The following RALYL variants were observed in gnomAD, a reference collection of about 807,000 sequenced individuals.
The protein encoded by RALYL is RNA-binding Raly-like protein.
RALYL carries 29 observed loss-of-function variants against 35.1 expected under a neutral mutation model. The ratio of observed to expected loss-of-function variants is 0.83; its 90% CI spans 0.61 to 1.13. The LOEUF is 1.13. RALYL is among the 50% of genes most tolerant of loss of function. RALYL has a pLI of 0.00. For synonymous variants in RALYL, 120 were observed against 127.6 expected, an observed-to-expected ratio of 0.94 and a Z score of 0.40; for missense variants, 359 against 360.4, an observed-to-expected ratio of 1.00 and a Z score of 0.03.
intron 1 of RALYL, among the ~76,000 whole-genome samples, chr8:84,231,625 A>G (rs1350763850): frequency 2.0e-5 from 3 of 152,114 alleles, no homozygotes; most frequent in African/African-American, 7.2e-5. Flanking sequence ...TTTAAAACAT[A>G]TTTCTTGGGT....
At chr8:84,702,881 A>G (rs892558360) in intron 2 of RALYL, among the ~76,000 whole-genome samples, 1 of 152,170 alleles carries the variant, frequency 6.6e-6, no homozygotes, top group African/African-American at 2.4e-5. Context: ...TAAGTAAAAG[A>G]AAAACAGATT....
chr8:84,647,968 T>C (rs181409880), intron 2 of RALYL, among the ~76,000 whole-genome samples: 1 of 152,254 alleles, frequency 6.6e-6, no homozygotes, highest in East Asian at 1.9e-4. Flanking sequence ...AAATGGTCCA[T>C]GTCAAAGTAT....
At chr8:84,514,710 T>A (rs1486900398) in intron 1 of RALYL, among the ~76,000 whole-genome samples, 1 of 152,202 alleles carries the variant, frequency 6.6e-6, no homozygotes, top group Non-Finnish European at 1.5e-5. Flanking sequence ...AAGAGACACA[T>A]ATAGCAGCAT....
intron 2 of RALYL, among the ~76,000 whole-genome samples, chr8:84,672,467 C>G (rs1021026367): frequency 3.3e-5 from 5 of 152,158 alleles, no homozygotes; most frequent in Admixed American, 2.0e-4. Flanking sequence ...AAAGTAACTT[C>G]AACATTTTTG....
At chr8:84,552,552 A>G (rs1057024928) in intron 2 of RALYL, among the ~76,000 whole-genome samples, 1 of 151,324 alleles carries the variant, frequency 6.6e-6, no homozygotes, top group African/African-American at 2.4e-5. Context: ...AATTTCACTT[A>G]TAAGCTAAAG....
chr8:84,569,614 G>T (rs1807424404), intron 2 of RALYL, among the ~76,000 whole-genome samples: 1 of 151,602 alleles, frequency 6.6e-6, no homozygotes. Context: ...GTCTATTTTT[G>T]CTTTTGTTGC....
intron 1 of RALYL, among the ~76,000 whole-genome samples, chr8:84,415,391 C>A (rs1310337474): frequency 1.3e-5 from 2 of 152,044 alleles, no homozygotes; most frequent in East Asian, 1.9e-4. Context: ...AGGCGCCTGC[C>A]ACGACGCTTG....
chr8:84,219,862 TATAGATAG>T (rs57823121), intron 1 of RALYL, among the ~76,000 whole-genome samples: 1 of 150,920 alleles, frequency 6.6e-6, no homozygotes, highest in South Asian at 2.1e-4. Flanking sequence ...ACAGAAGACG[TATAGATAG>T]ATAGATAGAT....
At chr8:84,832,973 T>C (rs1831213228) in intron 4 of RALYL, among the ~76,000 whole-genome samples, 1 of 152,210 alleles carries the variant, frequency 6.6e-6, no homozygotes. Context: ...TACCCTTTAA[T>C]ACTTAGTCTG....
chr8:84,497,642 GTT>G (rs71271999), intron 1 of RALYL, among the ~76,000 whole-genome samples: 1 of 117,236 alleles, frequency 8.5e-6, no homozygotes, highest in Non-Finnish European at 1.7e-5. Flanking sequence ...TTTTGTTTTT[GTT>G]TTTTTTTTTT....
intron 1 of RALYL, among the ~76,000 whole-genome samples, chr8:84,317,819 A>C (rs1225178430): frequency 6.6e-6 from 1 of 152,154 alleles, no homozygotes; most frequent in Non-Finnish European, 1.5e-5. Flanking sequence ...ACGTTGACCT[A>C]CTTGGAAAAT....
At chr8:84,245,361 G>A (rs964371445) in intron 1 of RALYL, among the ~76,000 whole-genome samples, 1 of 152,090 alleles carries the variant, frequency 6.6e-6, no homozygotes, top group Admixed American at 6.6e-5. Context: ...ACAATAATTG[G>A]CAGCTTCTGA....
chr8:84,810,654 A>G, intron 4 of RALYL, among the ~76,000 whole-genome samples: 1 of 152,120 alleles, frequency 6.6e-6, no homozygotes, highest in East Asian at 1.9e-4. Context: ...ATTGTTTTAT[A>G]AATTTGGAAG....
intron 4 of RALYL, among the ~76,000 whole-genome samples, chr8:84,819,408 T>G (rs1828019057): frequency 6.6e-6 from 1 of 152,224 alleles, no homozygotes; most frequent in African/African-American, 2.4e-5. Flanking sequence ...AATGACACTT[T>G]TCTGTACTTG....
chr8:84,766,809 G>T (rs1261174239), intron 2 of RALYL, among the ~76,000 whole-genome samples: 1 of 150,756 alleles, frequency 6.6e-6, no homozygotes, highest in African/African-American at 2.4e-5. Context: ...CATGTGTTTG[G>T]TTAGACTTAC....
chr8:84,442,530 T>A (rs2048440665), intron 1 of RALYL, among the ~76,000 whole-genome samples: 1 of 152,096 alleles, frequency 6.6e-6, no homozygotes, highest in African/African-American at 2.4e-5. Context: ...AGTTCCTAAC[T>A]TCAAGGTGCT....
intron 3 of RALYL, among the ~76,000 whole-genome samples, chr8:84,787,479 C>A (rs542556194): frequency 5.9e-5 from 9 of 152,326 alleles, no homozygotes; most frequent in African/African-American, 2.2e-4. Context: ...CTGCAGTAAA[C>A]ATACATGCGC....
chr8:84,273,411 G>A (rs1240477403), intron 1 of RALYL, among the ~76,000 whole-genome samples: 1 of 152,224 alleles, frequency 6.6e-6, no homozygotes, highest in Non-Finnish European at 1.5e-5. Context: ...AGTAACCAGA[G>A]AACAAGTGAA....
intron 1 of RALYL, among the ~76,000 whole-genome samples, chr8:84,397,587 T>C (rs1334200824): frequency 6.6e-6 from 1 of 152,194 alleles, no homozygotes; most frequent in Non-Finnish European, 1.5e-5. Context: ...TCGTGTAACC[T>C]AGGCCAGAAC....
Sources: gnomAD v4.1 joint callset for allele counts (sites outside exome capture counted in the v4.1 genomes callset) on GRCh38, gnomAD v4.1.1 for gene constraint, MANE v1.5 for transcripts, NCBI Gene and HGNC (gene_info 2026-07-23, HGNC 2026-07-21) for gene names.